Variants in MZT2B observed in about 807,000 individuals in gnomAD.
MZT2B encodes mitotic spindle organizing protein 2B.
In MZT2B, 11 loss-of-function variants were observed where a neutral mutation model predicts 12.1. The ratio of observed to expected loss-of-function variants is 0.91; its 90% CI spans 0.57 to 1.50. The LOEUF (loss-of-function observed/expected upper bound fraction) is 1.50, where lower values mean the gene tolerates loss of function less well. Ranked by LOEUF, MZT2B falls within the 40% of genes most tolerant of loss-of-function variation. The pLI is 0.00. For missense variants in MZT2B, 209 were observed against 227.7 expected, an observed-to-expected ratio of 0.92 and a Z score of 0.53; for synonymous variants, 85 against 109.5, an observed-to-expected ratio of 0.78 and a Z score of 1.40.
At chr2:130,188,715 C>A (rs535141250) in intron 2 of MZT2B, among the ~76,000 whole-genome samples, 31 of 152,254 alleles carry the variant, frequency 2.0e-4, no homozygotes, top group African/African-American at 7.5e-4. Flanking sequence ...CCCGGAAACT[C>A]AAAAGGAGGG....
At chr2:130,184,725 G>T in intron 2 of MZT2B, 1 of 985,442 alleles carries the variant, frequency 1.0e-6, no homozygotes, top group Non-Finnish European at 1.2e-6. Flanking sequence ...GAGAAACTGG[G>T]AACAGAGTCC....
chr2:130,185,774 T>C (rs1310807084), intron 2 of MZT2B, among the ~76,000 whole-genome samples: 13 of 143,906 alleles, frequency 9.0e-5, no homozygotes, highest in Non-Finnish European at 1.5e-4. Context: ...TAGGGGGTGC[T>C]GTGTGAGCGA....
At chr2:130,202,502 T>G in the MZT2B span, 4,088 of 1,260,532 alleles carry the variant, frequency 3.2e-3, 17 homozygotes, top group African/African-American at 0.057. Flanking sequence ...GTAAGGTTCA[T>G]TTCATACAGA....
chr2:130,182,982 G>A lies in MZT2B; in HGVS notation c.319+207G>A, dbSNP rs188482345. On this transcript the variant is annotated intron_variant, in intron 2 of 2. Transcript: ENST00000281871. ...CGTCCAGGTCAGGTGGACGCAGAGT[G>A]CGTACCCCAGGGTGGTCCAGGCTGG... 2.4e-4 allele frequency: 208 copies of A among 875,146 alleles called. 1 individual carries two copies. The African/African-American group carries it at 3.0e-3, about 13-fold the overall frequency. The allele number at this position is 875,146 out of a possible 1,614,324, so 54.2% of individuals were successfully genotyped here.
chr2:130,195,926 G>A, the MZT2B span, among the ~76,000 whole-genome samples: 1 of 152,232 alleles, frequency 6.6e-6, no homozygotes, highest in African/African-American at 2.4e-5. Context: ...TCTTACTGCT[G>A]GCAAAGCAGC....
At chr2:130,185,923 T>C (rs1462028531) in intron 2 of MZT2B, among the ~76,000 whole-genome samples, 3 of 151,942 alleles carry the variant, frequency 2.0e-5, no homozygotes, top group Admixed American at 6.6e-5. Flanking sequence ...AGCCAGGACA[T>C]GAGGGCACCG....
At chr2:130,198,517 C>A in the MZT2B span, 2 of 913,752 alleles carry the variant, frequency 2.2e-6, 1 homozygote. Flanking sequence ...GGGAGGCAGG[C>A]CGAGGGCCGG....
intron 2 of MZT2B, chr2:130,184,441 C>T (rs1012754285): frequency 1.0e-6 from 1 of 985,364 alleles, no homozygotes; most frequent in Admixed American, 6.1e-5. Flanking sequence ...TGGCCACACT[C>T]CAGCACTCAG....
chr2:130,183,579 G>A (rs1689904464), intron 2 of MZT2B: 1 of 788,638 alleles, frequency 1.3e-6, no homozygotes, highest in South Asian at 1.5e-5. Context: ...AATGGAAGAA[G>A]GCCCAGAGCT....
At chr2:130,185,319 A>AG (rs1375058530) in intron 2 of MZT2B, among the ~76,000 whole-genome samples, 1 of 150,822 alleles carries the variant, frequency 6.6e-6, no homozygotes, top group Non-Finnish European at 1.5e-5. Flanking sequence ...TCAAAAAAAA[A>AG]AAAAAACTAG....
intron 2 of MZT2B, chr2:130,184,851 C>T (rs1480309607): frequency 1.0e-6 from 1 of 985,188 alleles, no homozygotes. Context: ...CACTCAGAGC[C>T]CAGTGAGAGG....
At chr2:130,188,066 CAAA>C (rs35336011) in intron 2 of MZT2B, 10 of 138,250 alleles carry the variant, frequency 7.2e-5, no homozygotes, top group Non-Finnish European at 3.2e-5. Context: ...CCCCACCACT[CAAA>C]AAAAAAAAAA....
chr2:130,197,256 G>A, the MZT2B span, among the ~76,000 whole-genome samples: 3 of 152,070 alleles, frequency 2.0e-5, no homozygotes, highest in Admixed American at 1.3e-4. Flanking sequence ...TTGGAAGGCT[G>A]AGGTGAGAGG....
At chr2:130,195,646 C>A (rs1320492647), downstream of MZT2B, among the ~76,000 whole-genome samples, 2 of 152,236 alleles carry the variant, frequency 1.3e-5, no homozygotes, top group Non-Finnish European at 2.9e-5. Context: ...GTCCCACAGG[C>A]TTTCAGGTGA....
At chr2:130,196,380 C>G in the MZT2B span, 2 of 1,610,846 alleles carry the variant, frequency 1.2e-6, no homozygotes, top group South Asian at 1.1e-5. Flanking sequence ...CGCTGTGAAC[C>G]GGAACATAAA....
intron 2 of MZT2B, 97 bp from the exon 3 acceptor site, chr2:130,190,372 G>T (rs1690218949): frequency 2.6e-6 from 4 of 1,546,920 alleles, no homozygotes; most frequent in Admixed American, 3.6e-5. Flanking sequence ...TGATGGAAAT[G>T]TGCAGACACA....
At chr2:130,193,122 G>A (rs908858795), downstream of MZT2B, among the ~76,000 whole-genome samples, 3 of 151,870 alleles carry the variant, frequency 2.0e-5, no homozygotes, top group African/African-American at 7.3e-5. Context: ...GGGCATGGTG[G>A]TACATGTCTG....
At chr2:130,204,687 GTC>G in the MZT2B span, among the ~76,000 whole-genome samples, 13 of 101,854 alleles carry the variant, frequency 1.3e-4, no homozygotes, top group Non-Finnish European at 2.5e-4. Flanking sequence ...GCAAAACTCT[GTC>G]TCAAAAAAAA....
the MZT2B span, among the ~76,000 whole-genome samples, chr2:130,198,815 C>T: frequency 1.2e-3 from 147 of 120,674 alleles, 6 homozygotes; most frequent in East Asian, 7.5e-3. Context: ...GAGGCCTTGC[C>T]GCCATCTACC....
Sources: gnomAD v4.1 joint callset for allele counts (sites outside exome capture counted in the v4.1 genomes callset) on GRCh38, gnomAD v4.1.1 for gene constraint, MANE v1.5 for transcripts, NCBI Gene and HGNC (gene_info 2026-07-23, HGNC 2026-07-21) for gene names.